The following ARFIP2 variants were observed in gnomAD, a reference collection of about 807,000 sequenced individuals.
The protein encoded by ARFIP2 is arfaptin-2.
In ARFIP2, 14 loss-of-function variants were observed where a neutral mutation model predicts 39.2. The observed-to-expected ratio is 0.36, with a 90% CI of 0.24 to 0.56. The LOEUF (loss-of-function observed/expected upper bound fraction) is 0.56, where lower values mean the gene tolerates loss of function less well. ARFIP2 is among the 20% of genes least tolerant of loss of function. The pLI is 0.85. For synonymous variants in ARFIP2, 167 were observed against 172.4 expected (o/e 0.97, Z 0.24); for missense variants, 305 against 422.5 (o/e 0.72, Z 2.44).
At chr11:6,480,723 G>C (rs1226635271) in intron 1 of ARFIP2, 6 of 298,766 alleles carry the variant, frequency 2.0e-5, no homozygotes, top group Admixed American at 9.5e-5. Context: ...CAGACATTTA[G>C]TGAGTGCCTA....
In ARFIP2 at chr11:6,477,651, G is replaced by T. The variant is rs1851225765; in HGVS notation, c.870+67C>A. 1.6e-5 allele frequency: 25 copies of T among 1,549,852 alleles called. No individual in the cohort carries two copies. Among genetic ancestry groups the T allele is most frequent in the Non-Finnish European group, 2.2e-5 (25 of 1,135,978 alleles). On this transcript the variant is annotated intron_variant, in intron 7 of 7. Coordinates refer to ENST00000396777, the MANE Select transcript of ARFIP2 (RefSeq NM_001376558.2). The surrounding 1 kb of genome is among the most constrained non-coding windows in gnomAD (Gnocchi z 4.8). ...CATTTCCTCATTCAATAATGGGGAG[G>T]GTCTGAGGGGAAGGTTAGTGTTACA...
chr11:6,477,951 T>C lies in ARFIP2; in HGVS notation c.696-59A>G. The C allele has an allele frequency of 6.2e-7, 1 of 1,604,836 alleles. No individual in the cohort carries two copies. The highest frequency in any genetic ancestry group is 1.1e-5 in the South Asian group (1 of 90,592). On this transcript the variant is annotated intron_variant, in intron 6 of 7. Coordinates refer to ENST00000396777, the MANE Select transcript of ARFIP2 (RefSeq NM_001376558.2). This position sits in a 1 kb window ranked among gnomAD's most constrained non-coding sequence, Gnocchi z 4.8. ...CCTTTATCCTCAACACATACTCTCCTTTCCTTCCTGAATTCTTATGCCCCT... is the reference window on the plus strand; with the variant it reads ...CCTTTATCCTCAACACATACTCTCCCTTCCTTCCTGAATTCTTATGCCCCT...
intron 4 of ARFIP2, 47 bp downstream of exon 4, chr11:6,479,093 G>T: frequency 6.3e-7 from 1 of 1,595,908 alleles, no homozygotes; most frequent in Non-Finnish European, 8.6e-7. Context: ...AAGGGAAAAA[G>T]GTACCCATAA....
chr11:6,478,443 A>C lies in ARFIP2; in HGVS notation c.538-245T>G. The C allele has an allele frequency of 1.0e-6, 1 of 974,794 alleles. No homozygotes were observed. Among genetic ancestry groups the C allele is most frequent in the East Asian group, 2.6e-5 (1 of 37,848 alleles). 60.4% of individuals were successfully genotyped at this position (974,794 alleles called of 1,614,324 possible). Reference sequence around the variant, plus strand: ...ACAAGACTGGAACAGTCTGAGAGCTAGTGTGGCAAGCAGGGGAGGGGCTCT... The same window carrying C: ...ACAAGACTGGAACAGTCTGAGAGCTCGTGTGGCAAGCAGGGGAGGGGCTCT... On this transcript the variant is annotated intron_variant, in intron 5 of 7. Coordinates refer to ENST00000396777, the MANE Select transcript of ARFIP2 (RefSeq NM_001376558.2). The surrounding 1 kb of genome is among the most constrained non-coding windows in gnomAD (Gnocchi z 4.8).
At chr11:6,480,732 TACTATGTG>T in intron 1 of ARFIP2, 2 of 278,886 alleles carry the variant, frequency 7.2e-6, no homozygotes, top group Non-Finnish European at 1.4e-5. Flanking sequence ...AGTGAGTGCC[TACTATGTG>T]TCAGGCACTA....
chr11:6,478,226 T>G lies in ARFIP2; in HGVS notation c.538-28A>C, dbSNP rs1422237688. The G allele has an allele frequency of 1.9e-6, 3 of 1,613,414 alleles. No homozygotes were observed. The South Asian group carries it at 3.3e-5, about 18-fold the overall frequency. On this transcript the variant is annotated intron_variant, in intron 5 of 7. Coordinates refer to ENST00000396777, the MANE Select transcript of ARFIP2 (RefSeq NM_001376558.2). This position sits in a 1 kb window ranked among gnomAD's most constrained non-coding sequence, Gnocchi z 4.8. ...GAGGGCAGAAGGGAGGAACAGACCT[T>G]GAATAACACTCCCTACCTGACTGAA...
At chr11:6,480,278 T>C in intron 2 of ARFIP2, 45 bp downstream of exon 2, 5 of 1,578,288 alleles carry the variant, frequency 3.2e-6, no homozygotes, top group East Asian at 2.3e-5. Flanking sequence ...GATTTATAAA[T>C]TGGATTCCTA....
chr11:6,478,670 G>C lies in ARFIP2; in HGVS notation c.537+68C>G. 1 of 1,548,234 alleles carries C rather than the reference G, an allele frequency of 6.5e-7. No homozygotes were observed. The highest frequency in any genetic ancestry group is 8.7e-7 in the Non-Finnish European group (1 of 1,143,092). ...CCTGTGGGCTGCAGGAGGGAGGGAGGATGAGGAATGACTGCCTGGGAGGGC... is the reference window on the plus strand; with the variant it reads ...CCTGTGGGCTGCAGGAGGGAGGGAGCATGAGGAATGACTGCCTGGGAGGGC... On this transcript the variant is annotated intron_variant, in intron 5 of 7. Coordinates refer to ENST00000396777, the MANE Select transcript of ARFIP2 (RefSeq NM_001376558.2). The surrounding 1 kb of genome is among the most constrained non-coding windows in gnomAD (Gnocchi z 4.8).
At position 6,478,017 on chromosome 11, in the gene ARFIP2, C is replaced by G. The variant is rs372607881; in HGVS notation, c.695+24G>C. 1.9e-6 allele frequency: 3 copies of G among 1,612,552 alleles called. No individual in the cohort carries two copies. The highest frequency in any genetic ancestry group is 1.7e-6 in the Non-Finnish European group (2 of 1,178,792). On this transcript the variant is annotated intron_variant, in intron 6 of 7. Coordinates refer to ENST00000396777, the MANE Select transcript of ARFIP2 (RefSeq NM_001376558.2). The surrounding 1 kb of genome is among the most constrained non-coding windows in gnomAD (Gnocchi z 4.8). ...ACCCATACCAGCCAACTCCCCAAAC[C>G]CTAAGCCCTGCCAGTGCCCACACCT... is the stretch of plus-strand genomic sequence containing the variant.
chr11:6,478,377 T>C lies in ARFIP2; in HGVS notation c.538-179A>G, dbSNP rs745904426. Among the ~76,000 whole-genome samples, 4 of 151,984 alleles carry C rather than the reference T, an allele frequency of 2.6e-5. No individual in the cohort carries two copies. The highest frequency in any genetic ancestry group is 4.4e-5 in the Non-Finnish European group (3 of 67,978). On this transcript the variant is annotated intron_variant, in intron 5 of 7. Coordinates refer to ENST00000396777, the MANE Select transcript of ARFIP2 (RefSeq NM_001376558.2). The surrounding 1 kb of genome is among the most constrained non-coding windows in gnomAD (Gnocchi z 4.8). ...TTAGTGGGATCACCCTGGGGATACC[T>C]GGGGTAGGAATGTGGGTGGTGGGCA...
In ARFIP2 at chr11:6,477,820, A is replaced by G. The variant is rs1202286651; in HGVS notation, c.768T>C (p.Gly256=). The change falls in exon 7 of 8, where the codon GGT becomes GGC. Residue 256 remains glycine, a synonymous_variant. Coordinates refer to ENST00000396777, the MANE Select transcript of ARFIP2 (RefSeq NM_001376558.2). This position sits in a 1 kb window ranked among gnomAD's most constrained non-coding sequence, Gnocchi z 4.8. ...AAGTGGCCTGGGCACTCTCAAGTCG[A>G]CCACGTGTCCCTGCATCCCGGGGGC... is the stretch of plus-strand genomic sequence containing the variant. ...SLGPRDAGTR[G]RLESAQATFQ... 2 of 1,613,898 alleles carry G rather than the reference A, an allele frequency of 1.2e-6. No homozygotes were observed. The highest frequency in any genetic ancestry group is 1.6e-4 in the Middle Eastern group (1 of 6,062).
Position 6,477,593 on chromosome 11 carries a change from AG to A in ARFIP2, c.870+124del, listed in dbSNP as rs1376615562. ...GTGATCTGGAAAGGCCCAGGGGTTGAGGGGGTGAACACTCTACTCCCCAGCT... is the reference window on the plus strand; with the variant it reads ...GTGATCTGGAAAGGCCCAGGGGTTGAGGGGTGAACACTCTACTCCCCAGCT... On this transcript the variant is annotated intron_variant, in intron 7 of 7. Coordinates refer to ENST00000396777, the MANE Select transcript of ARFIP2 (RefSeq NM_001376558.2). The surrounding 1 kb of genome is among the most constrained non-coding windows in gnomAD (Gnocchi z 4.8). 2.7e-6 allele frequency: 3 copies of A among 1,106,692 alleles called. No homozygotes were observed. The highest frequency in any genetic ancestry group is 3.8e-6 in the Non-Finnish European group (3 of 785,664). 68.6% of individuals were successfully genotyped at this position (1,106,692 alleles called of 1,614,324 possible).
In ARFIP2 at chr11:6,477,297, T is replaced by G. The variant is rs1242118183; in HGVS notation, c.871-29A>C. On this transcript the variant is annotated intron_variant, in intron 7 of 7. Coordinates refer to ENST00000396777, the MANE Select transcript of ARFIP2 (RefSeq NM_001376558.2). This position sits in a 1 kb window ranked among gnomAD's most constrained non-coding sequence, Gnocchi z 4.8. Reference sequence around the variant, plus strand: ...GGGGTCCAGCAGGGTCAGCTAAGGCTGGACTCAGGCGCCCTTCTTGAGGGT... The same window carrying G: ...GGGGTCCAGCAGGGTCAGCTAAGGCGGGACTCAGGCGCCCTTCTTGAGGGT... 6.2e-7 allele frequency: 1 copy of G among 1,605,304 alleles called. No homozygotes were observed. Among genetic ancestry groups the G allele is most frequent in the Non-Finnish European group, 8.5e-7 (1 of 1,175,998 alleles).
At chr11:6,479,537 G>C in intron 3 of ARFIP2, 1 of 603,612 alleles carries the variant, frequency 1.7e-6, no homozygotes, top group Non-Finnish European at 2.9e-6. Context: ...TGAGTTTGGG[G>C]GCAGCAGGAG....
Position 6,477,202 on chromosome 11 carries a change from G to C in ARFIP2, c.937C>G (p.Gln313Glu). The change falls in exon 8 of 8, where the codon CAG becomes GAG. Residue 313 changes from glutamine to glutamate, a missense_variant. Gln to Glu is a conservative substitution (Grantham distance 29). This residue lies in a region of ARFIP2 where 112 missense variants were observed against 118.2 expected (regional missense o/e 0.95). Coordinates refer to ENST00000396777, the MANE Select transcript of ARFIP2 (RefSeq NM_001376558.2). This position sits in a 1 kb window ranked among gnomAD's most constrained non-coding sequence, Gnocchi z 4.8. Reference sequence around the variant, plus strand: ...TGCAGGGTCTGCTCCAGCTGTTTCTGGTTCCCAGCAAAGTAGGCGGACACA... The same window carrying C: ...TGCAGGGTCTGCTCCAGCTGTTTCTCGTTCCCAGCAAAGTAGGCGGACACA... ...NAVSAYFAGNQKQLEQTLQQF... is the reference protein window; with the variant it reads ...NAVSAYFAGNEKQLEQTLQQF... The C allele has an allele frequency of 1.2e-6, 2 of 1,613,368 alleles. No homozygotes were observed. The highest frequency in any genetic ancestry group is 2.2e-5 in the East Asian group (1 of 44,876).
chr11:6,478,916 C>G lies in ARFIP2; in HGVS notation c.359G>C (p.Arg120Pro). ...CAGCTCTAGCTCCAGGTCCACAGTC[C>G]GTGAGCCTCGACCAAATCGTTCTGA... ...LLSERFGRGS[R>P]TVDLELELQI... The change falls in exon 5 of 8, where the codon CGG becomes CCG. Residue 120 changes from arginine to proline, a missense_variant. Coordinates refer to ENST00000396777, the MANE Select transcript of ARFIP2 (RefSeq NM_001376558.2). This position sits in a 1 kb window ranked among gnomAD's most constrained non-coding sequence, Gnocchi z 4.8. The G allele has an allele frequency of 3.1e-6, 5 of 1,614,166 alleles. No homozygotes were observed. The highest frequency in any genetic ancestry group is 4.2e-6 in the Non-Finnish European group (5 of 1,180,022).
chr11:6,479,003 C>T, intron 4 of ARFIP2, 44 bp from the exon 5 acceptor site: 1 of 1,600,068 alleles, frequency 6.2e-7, no homozygotes, highest in Non-Finnish European at 8.6e-7. Flanking sequence ...CTAACAGCCT[C>T]CCCACACAAC....
intron 2 of ARFIP2, 67 bp downstream of exon 2, chr11:6,480,256 G>A (rs1221874071): frequency 5.3e-6 from 8 of 1,514,386 alleles, no homozygotes; most frequent in South Asian, 3.5e-5. Context: ...GGAATGGAGG[G>A]TGAGAACCTA....
chr11:6,478,588 G>A lies in ARFIP2; in HGVS notation c.537+150C>T, dbSNP rs1851360593. On this transcript the variant is annotated intron_variant, in intron 5 of 7. Transcript: ENST00000396777. This position sits in a 1 kb window ranked among gnomAD's most constrained non-coding sequence, Gnocchi z 4.8. ...GGACCTCTGTACAAACCCTTAGGCT[G>A]CCTCCACAGGTGAGTGCTGCTGGGG... The A allele has an allele frequency of 6.9e-6, 10 of 1,455,096 alleles. No individual in the cohort carries two copies. Among genetic ancestry groups the A allele is most frequent in the Non-Finnish European group, 9.0e-6 (10 of 1,105,926 alleles). The allele number at this position is 1,455,096 out of a possible 1,614,324, so 90.1% of individuals were successfully genotyped here.
Sources: allele counts gnomAD v4.1 joint callset (sites outside exome capture counted in the v4.1 genomes callset), GRCh38; gene constraint gnomAD v4.1.1; regional missense constraint gnomAD v4.1.1; non-coding constraint Gnocchi (gnomAD v3.1); transcripts MANE v1.5; gene names NCBI Gene and HGNC (gene_info 2026-07-23, HGNC 2026-07-21).